The following KCNQ1 variants were observed in gnomAD, a reference collection of about 807,000 sequenced individuals.
KCNQ1 encodes potassium voltage-gated channel subfamily KQT member 1.
A neutral mutation model predicts 72.4 loss-of-function variants in KCNQ1; 49 were observed. That is an observed-to-expected ratio of 0.68 (90% CI 0.54 to 0.86). The LOEUF is 0.86. KCNQ1 is among the 40% of genes least tolerant of loss of function. KCNQ1 has a pLI of 0.00. For missense variants in KCNQ1, 790 were observed against 945.1 expected (o/e 0.84, Z 2.15); for synonymous variants, 450 against 412.6 (o/e 1.09, Z -1.10).
chr11:2,751,615 C>T (rs999436886), intron 11 of KCNQ1, among the ~76,000 whole-genome samples: 5 of 152,274 alleles, frequency 3.3e-5, no homozygotes, highest in African/African-American at 4.8e-5. Context: ...AACGGGGCGG[C>T]GACCCTCGTC....
rs199561157 is a variant in KCNQ1 at position 2,777,025 on chromosome 11, C to T, written c.1725C>T (p.Ser575=). The stretch of plus-strand genomic sequence containing the variant: ...TTGGGAAGCCCTCACTGTTCATCTC[C>T]GTCTCAGGTGGGTTTCTGTGTCAGT... ...QSIGKPSLFI[S]VSEKSKDRGS... is the part of the protein sequence containing the mutation. Residue 575 remains serine (S), a synonymous_variant, in exon 14 of 16, where the codon TCC becomes TCT. Coordinates refer to ENST00000155840, the MANE Select transcript of KCNQ1 (RefSeq NM_000218.3). 1.1e-5 allele frequency: 18 copies of T among 1,614,098 alleles called. No homozygotes were observed. Among genetic ancestry groups the T allele is most frequent in the Middle Eastern group, 1.6e-4 (1 of 6,062 alleles).
Position 2,772,711 on chromosome 11 carries a change from T to A in KCNQ1, c.1591-3249T>A, listed in dbSNP as rs1406250701. ...CCTGCTCCTGCAGACGTGCACACACTCAGGTACATAATACTTCCTTGCCCA... is the reference window on the plus strand; with the variant it reads ...CCTGCTCCTGCAGACGTGCACACACACAGGTACATAATACTTCCTTGCCCA... On this transcript the variant is annotated intron_variant, in intron 12 of 15. Transcript: ENST00000155840. The surrounding 1 kb of genome is among the most constrained non-coding windows in gnomAD (Gnocchi z 6.6). Among the ~76,000 whole-genome samples, 1 of 152,084 alleles carries A rather than the reference T, an allele frequency of 6.6e-6. No individual in the cohort carries two copies. Among genetic ancestry groups the A allele is most frequent in the Non-Finnish European group, 1.5e-5 (1 of 68,002 alleles).
At chr11:2,820,239 C>T (rs982668953) in intron 15 of KCNQ1, among the ~76,000 whole-genome samples, 1 of 152,168 alleles carries the variant, frequency 6.6e-6, no homozygotes, top group Non-Finnish European at 1.5e-5. Context: ...TAGGAAGCAT[C>T]CCACACTCTT....
chr11:2,585,112 C>T, intron 7 of KCNQ1, 100 bp from the exon 8 acceptor site: 1 of 1,062,296 alleles, frequency 9.4e-7, no homozygotes, highest in Non-Finnish European at 1.5e-6. Flanking sequence ...ACTGACCATA[C>T]CTGGCCTTCC....
rs894407917 is a variant in KCNQ1 at position 2,526,962 on chromosome 11, G to T, written c.387-966G>T. Among the ~76,000 whole-genome samples the T allele has an allele frequency of 1.3e-5, 2 of 152,094 alleles. No individual in the cohort carries two copies. Among genetic ancestry groups the T allele is most frequent in the East Asian group, 3.9e-4 (2 of 5,170 alleles). On this transcript the variant is annotated intron_variant, in intron 1 of 15. Coordinates refer to ENST00000155840, the MANE Select transcript of KCNQ1 (RefSeq NM_000218.3). This position sits in a 1 kb window ranked among gnomAD's most constrained non-coding sequence, Gnocchi z 6.1. ...GTGGCCATCTCCTGGCTCTCCGGTCGCTGAGGATCCACGGGGGTCCCTGGA... is the reference window on the plus strand; with the variant it reads ...GTGGCCATCTCCTGGCTCTCCGGTCTCTGAGGATCCACGGGGGTCCCTGGA...
At position 2,687,904 on chromosome 11, in the gene KCNQ1, A is replaced by G; in HGVS notation, c.1514+25823A>G. Reference sequence around the variant, plus strand: ...TCCCGCGGAAATCCTGGTGGGATGGAAAATCCCCAGCAGTTGTGAGGCTGC... The same window carrying G: ...TCCCGCGGAAATCCTGGTGGGATGGGAAATCCCCAGCAGTTGTGAGGCTGC... On this transcript the variant is annotated intron_variant, in intron 11 of 15. Transcript: ENST00000155840. This position sits in a 1 kb window ranked among gnomAD's most constrained non-coding sequence, Gnocchi z 5.0. 2.5e-6 allele frequency: 1 copy of G among 398,662 alleles called. No individual in the cohort carries two copies. The highest frequency in any genetic ancestry group is 4.4e-6 in the Non-Finnish European group (1 of 226,104). 24.7% of individuals were successfully genotyped at this position (398,662 alleles called of 1,614,324 possible).
chr11:2,818,616 G>A lies in KCNQ1; in HGVS notation c.1795-29151G>A, dbSNP rs551491759. Reference sequence around the variant, plus strand: ...TGGAGGCTGGAAGCCCCCGGAATGCGGCCCACCCTGTCTCCAGTTGTTCCC... The same window carrying A: ...TGGAGGCTGGAAGCCCCCGGAATGCAGCCCACCCTGTCTCCAGTTGTTCCC... On this transcript the variant is annotated intron_variant, in intron 15 of 15. Transcript: ENST00000155840. This position sits in a 1 kb window ranked among gnomAD's most constrained non-coding sequence, Gnocchi z 7.2. 1.4e-4 allele frequency among the ~76,000 whole-genome samples: 22 copies of A among 152,168 alleles called. No homozygotes were observed. The highest frequency in any genetic ancestry group is 5.8e-4 in the East Asian group (3 of 5,164).
chr11:2,704,210 T>A lies in KCNQ1; in HGVS notation c.1514+42129T>A, dbSNP rs1412708907. Among the ~76,000 whole-genome samples, 1 of 152,256 alleles carries A rather than the reference T, an allele frequency of 6.6e-6. No individual in the cohort carries two copies. The highest frequency in any genetic ancestry group is 2.4e-5 in the African/African-American group (1 of 41,470). ...TCCTTCACTGGTCATAGGTTTCTGC[T>A]GACCCTGCAGCCCATGTCCTTGTTC... On this transcript the variant is annotated intron_variant, in intron 11 of 15. Coordinates refer to ENST00000155840, the MANE Select transcript of KCNQ1 (RefSeq NM_000218.3). This position sits in a 1 kb window ranked among gnomAD's most constrained non-coding sequence, Gnocchi z 4.3.
intron 10 of KCNQ1, chr11:2,615,455 T>C (rs1242958916): frequency 2.5e-6 from 1 of 397,940 alleles, no homozygotes; most frequent in African/African-American, 2.1e-5. Context: ...TAGCACTGGG[T>C]AAAGCATACA....
chr11:2,778,446 C>T (rs897743094), intron 15 of KCNQ1, among the ~76,000 whole-genome samples: 2 of 152,200 alleles, frequency 1.3e-5, no homozygotes, highest in South Asian at 4.1e-4. Context: ...CTGGGGCCTC[C>T]ACTTGGGGCC....
Position 2,725,547 on chromosome 11 carries a change from C to T in KCNQ1, c.1515-43297C>T, listed in dbSNP as rs569281282. Reference sequence around the variant, plus strand: ...AGCTGTGGTTTAGGAAGTGCATTCACGTGAAGTCGCCAAGTTCAAAGGGCT... The same window carrying T: ...AGCTGTGGTTTAGGAAGTGCATTCATGTGAAGTCGCCAAGTTCAAAGGGCT... On this transcript the variant is annotated intron_variant, in intron 11 of 15. Coordinates refer to ENST00000155840, the MANE Select transcript of KCNQ1 (RefSeq NM_000218.3). This position sits in a 1 kb window ranked among gnomAD's most constrained non-coding sequence, Gnocchi z 7.2. Among the ~76,000 whole-genome samples the T allele has an allele frequency of 7.9e-5, 12 of 152,298 alleles. No homozygotes were observed. The highest frequency in any genetic ancestry group is 2.1e-4 in the South Asian group (1 of 4,832).
rs1162175301 is a variant in KCNQ1, at chr11:2,538,143, G to A, written c.477+10125G>A. ...CTTAGCCAGGGTGTCCGACTCTCAG[G>A]ACACCGCTGTCCATTTCACAGCCTG... is the stretch of plus-strand genomic sequence containing the variant. On this transcript the variant is annotated intron_variant, in intron 2 of 15. Transcript: ENST00000155840. The surrounding 1 kb of genome is among the most constrained non-coding windows in gnomAD (Gnocchi z 6.7). Among the ~76,000 whole-genome samples, 1 of 152,186 alleles carries A rather than the reference G, an allele frequency of 6.6e-6. No individual in the cohort carries two copies. The highest frequency in any genetic ancestry group is 1.5e-5 in the Non-Finnish European group (1 of 68,042).
intron 11 of KCNQ1, chr11:2,697,423 G>A: frequency 2.5e-6 from 1 of 398,442 alleles, no homozygotes; most frequent in Admixed American, 4.4e-5. Flanking sequence ...GACATCCTTG[G>A]CCTACTCCTT....
chr11:2,764,312 G>C lies in KCNQ1; in HGVS notation c.1515-4532G>C, dbSNP rs231873. On this transcript the variant is annotated intron_variant, in intron 11 of 15. Transcript: ENST00000155840. The surrounding 1 kb of genome is among the most constrained non-coding windows in gnomAD (Gnocchi z 4.8). Reference sequence around the variant, plus strand: ...TTTCTTACAATCTGTTGTGTTGATTGTATTTTTTCTGACTTATTCTGTTGA... The same window carrying C: ...TTTCTTACAATCTGTTGTGTTGATTCTATTTTTTCTGACTTATTCTGTTGA... Among the ~76,000 whole-genome samples the C allele has an allele frequency of 0.86, 131,026 of 152,078 alleles. 56,673 individuals are homozygous for C. Among genetic ancestry groups the C allele is most frequent in the East Asian group, 0.94 (4,878 of 5,174 alleles).
chr11:2,838,703 C>T (rs1024662918), intron 15 of KCNQ1, among the ~76,000 whole-genome samples: 10 of 152,242 alleles, frequency 6.6e-5, no homozygotes, highest in African/African-American at 1.7e-4. Flanking sequence ...GACACGAGAA[C>T]GGCCAGGCAG....
chr11:2,646,575 G>C, intron 10 of KCNQ1: 3 of 398,592 alleles, frequency 7.5e-6, no homozygotes, highest in Non-Finnish European at 1.3e-5. Flanking sequence ...GCCCAGGCTG[G>C]GGTGCAATGG....
chr11:2,662,052 T>G lies in KCNQ1; in HGVS notation c.1485T>G (p.Thr495=). Residue 495 remains threonine, a synonymous_variant, in exon 11 of 16, where the codon ACT becomes ACG. Transcript: ENST00000155840. ...AGGACCTGGACCTGGAAGGGGAGAC[T>G]CTGCTGACACCCATCACCCACATCT... ...FAEDLDLEGE[T]LLTPITHISQ... The G allele has an allele frequency of 6.2e-7, 1 of 1,614,210 alleles. No individual in the cohort carries two copies. Among genetic ancestry groups the G allele is most frequent in the Non-Finnish European group, 8.5e-7 (1 of 1,180,040 alleles).
Position 2,601,254 on chromosome 11 carries a change from T to A in KCNQ1, c.1393+12400T>A, listed in dbSNP as rs1848803516. ...TGGTTACCTCATTGTGGTTTTGATTTGCATTTTCCTAATGATGCTGAGCAT... is the reference window on the plus strand; with the variant it reads ...TGGTTACCTCATTGTGGTTTTGATTAGCATTTTCCTAATGATGCTGAGCAT... On this transcript the variant is annotated intron_variant, in intron 10 of 15. Transcript: ENST00000155840. This position sits in a 1 kb window ranked among gnomAD's most constrained non-coding sequence, Gnocchi z 5.2. Among the ~76,000 whole-genome samples the A allele has an allele frequency of 6.6e-6, 1 of 152,242 alleles. No individual in the cohort carries two copies. The highest frequency in any genetic ancestry group is 2.4e-5 in the African/African-American group (1 of 41,462).
chr11:2,802,559 G>T (rs1413537124), intron 15 of KCNQ1, among the ~76,000 whole-genome samples: 1 of 152,188 alleles, frequency 6.6e-6, no homozygotes, highest in East Asian at 1.9e-4. Context: ...GGCTCTGGCA[G>T]CCACCCTGCC....
Sources: allele counts gnomAD v4.1 joint callset (sites outside exome capture counted in the v4.1 genomes callset), GRCh38; gene constraint gnomAD v4.1.1; non-coding constraint Gnocchi (gnomAD v3.1); transcripts MANE v1.5; gene names NCBI Gene and HGNC (gene_info 2026-07-23, HGNC 2026-07-21).